Variants in CEP135 observed in about 807,000 individuals in gnomAD.
CEP135 encodes centrosomal protein of 135 kDa.
CEP135 carries 142 observed loss-of-function variants against 157.3 expected under a neutral mutation model. That is an observed-to-expected ratio of 0.90 (90% CI 0.79 to 1.04). CEP135 has a LOEUF of 1.04. Among genes scored for constraint, CEP135 ranks in the 50% least tolerant of loss-of-function variants. The probability of loss-of-function intolerance (pLI) is 0.00; values close to 1 mark genes in which losing one functional copy is unlikely to be tolerated. For synonymous variants in CEP135, 396 were observed against 439.8 expected, an observed-to-expected ratio of 0.90 and a Z score of 1.25; for missense variants, 1,317 against 1,309.2, an observed-to-expected ratio of 1.01 and a Z score of -0.09.
intron 25 of CEP135, among the ~76,000 whole-genome samples, chr4:56,028,400 TA>T (rs1260400886): frequency 6.6e-6 from 1 of 152,224 alleles, no homozygotes; most frequent in African/African-American, 2.4e-5. Flanking sequence ...ACTTTTTAAT[TA>T]CAATAATTCT....
chr4:55,983,230 A>G (rs552699279), intron 13 of CEP135, among the ~76,000 whole-genome samples: 97 of 152,324 alleles, frequency 6.4e-4, no homozygotes, highest in Admixed American at 9.1e-4. Flanking sequence ...CCTTTTCCAT[A>G]TCTTTTGAAA....
At chr4:55,965,317 A>G (rs751435438) in intron 7 of CEP135, 7 of 182,168 alleles carry the variant, frequency 3.8e-5, no homozygotes, top group Non-Finnish European at 5.7e-5. Context: ...CAGTAGCCAC[A>G]TGTGGTTGCT....
At position 56,019,501 on chromosome 4, in the gene CEP135, A is replaced by C. The variant is rs1730899378; in HGVS notation, c.3161A>C (p.Lys1054Thr). 6.2e-7 allele frequency: 1 copy of C among 1,614,090 alleles called. No homozygotes were observed. Among genetic ancestry groups the C allele is most frequent in the South Asian group, 1.1e-5 (1 of 91,046 alleles). Residue 1054 changes from lysine (K) to threonine (T), a missense_variant, in exon 23 of 26, where the codon AAG becomes ACG. Lys to Thr is a moderately conservative substitution (Grantham distance 78). Transcript: ENST00000257287. Reference protein sequence around the residue: ...EFHSHLTSHEKDTEIQLLKEK... With the variant: ...EFHSHLTSHETDTEIQLLKEK... ...CATTCTCACTTAACCTCCCACGAGA[A>C]GGATACAGAAATCCAGCTACTTAAG...
intron 2 of CEP135, among the ~76,000 whole-genome samples, 183 bp from the exon 3 acceptor site, chr4:55,952,902 A>T (rs1728401435): frequency 6.6e-6 from 1 of 152,154 alleles, no homozygotes; most frequent in Non-Finnish European, 1.5e-5. Context: ...GGCAATAGGA[A>T]TTTTTCAGCT....
intron 1 of CEP135, among the ~76,000 whole-genome samples, chr4:55,951,812 G>A (rs1728369328): frequency 6.6e-6 from 1 of 152,142 alleles, no homozygotes; most frequent in Admixed American, 6.5e-5. Flanking sequence ...TCTCTGAGAA[G>A]TCTCTGCCTA....
At chr4:56,000,822 TTCA>T (rs1283088260) in intron 17 of CEP135, among the ~76,000 whole-genome samples, 1 of 152,194 alleles carries the variant, frequency 6.6e-6, no homozygotes, top group Non-Finnish European at 1.5e-5. Context: ...TTGAGGAACC[TTCA>T]TACACTGTTT....
chr4:56,011,409 T>TAA lies in CEP135; in HGVS notation c.2506-2_2506-1insAA. 6.3e-7 allele frequency: 1 copy of TAA among 1,585,868 alleles called. No homozygotes were observed. Among genetic ancestry groups the TAA allele is most frequent in the African/African-American group, 1.4e-5 (1 of 73,854 alleles). On this transcript the variant is annotated splice_polypyrimidine_tract_variant and splice_region_variant and intron_variant, in intron 19 of 25. Transcript: ENST00000257287. ...AGATTGTCTTTAATTTTCTGATTTG[T>TAA]AGGAAATCTCATTGGAATTGGAAGC... is the stretch of plus-strand genomic sequence containing the variant.
intron 17 of CEP135, 135 bp downstream of exon 17, chr4:55,999,780 T>C: frequency 3.8e-6 from 3 of 791,018 alleles, no homozygotes; most frequent in Non-Finnish European, 3.9e-6. Context: ...GCAACCCCTA[T>C]CTCTTGGGCT....
intron 8 of CEP135, 191 bp downstream of exon 8, chr4:55,966,050 GTTGT>G: frequency 1.8e-6 from 1 of 541,720 alleles, no homozygotes; most frequent in Non-Finnish European, 3.3e-6. Flanking sequence ...AGTTGTTTTA[GTTGT>G]TTGAGTGTCT....
chr4:56,012,369 A>G (rs1230967348), intron 21 of CEP135, among the ~76,000 whole-genome samples: 1 of 152,192 alleles, frequency 6.6e-6, no homozygotes, highest in South Asian at 2.1e-4. Context: ...AAGATACTTT[A>G]TTGACCTGAG....
At chr4:55,953,379 G>A in intron 3 of CEP135, 104 bp downstream of exon 3, 4 of 846,358 alleles carry the variant, frequency 4.7e-6, no homozygotes, top group South Asian at 2.1e-5. Context: ...AGAAAATATA[G>A]TAGTCCTACA....
At chr4:55,991,705 T>G (rs1463229084) in intron 14 of CEP135, among the ~76,000 whole-genome samples, 1 of 152,206 alleles carries the variant, frequency 6.6e-6, no homozygotes, top group East Asian at 1.9e-4. Context: ...TATTCTTTTC[T>G]CTTCGTGCTT....
chr4:56,018,604 A>C (rs1169494969), intron 22 of CEP135, among the ~76,000 whole-genome samples: 1 of 152,112 alleles, frequency 6.6e-6, no homozygotes, highest in African/African-American at 2.4e-5. Flanking sequence ...CAAAAAATAC[A>C]AAGAATTAGT....
At chr4:55,985,419 G>A in intron 14 of CEP135, 61 bp downstream of exon 14, 3 of 645,858 alleles carry the variant, frequency 4.6e-6, no homozygotes, top group Non-Finnish European at 7.6e-6. Context: ...GTCAATTACA[G>A]TTTTAATACA....
In CEP135 at chr4:55,974,831, A is replaced by G. The variant is rs1560405232; in HGVS notation, c.1335A>G (p.Thr445=). The change falls in exon 11 of 26, where the codon ACA becomes ACG. Residue 445 remains threonine, a synonymous_variant. Coordinates refer to ENST00000257287, the MANE Select transcript of CEP135 (RefSeq NM_025009.5). ...RRDRSPSRLD[T]FLKGIEEERD... ...ACAGGTCACCTTCTCGTTTAGATAC[A>G]TTTCTGAAAGGTATAGAAGAAGAAC... 6.2e-7 allele frequency: 1 copy of G among 1,613,900 alleles called. No homozygotes were observed.
rs1730822493 is a variant in CEP135, at chr4:56,017,671, T to G, written c.2826T>G (p.Tyr942Ter). 6.2e-7 allele frequency: 1 copy of G among 1,609,466 alleles called. No individual in the cohort carries two copies. Among genetic ancestry groups the G allele is most frequent in the Non-Finnish European group, 8.5e-7 (1 of 1,178,328 alleles). ...AGCACATAAATGCCCATCATGCTTA[T>G]GAATCTCAGATCTCATCAATGGCAA... ...IQEHINAHHA[Y>*]ESQISSMAKA... Residue 942 changes from tyrosine to a stop codon, truncating the protein, a stop_gained, in exon 22 of 26, where the codon TAT (tyrosine) becomes TAG (stop). Transcript: ENST00000257287. LOFTEE classifies it high-confidence loss of function.
Position 55,953,276 on chromosome 4 carries a change from G to A in CEP135, c.304+1G>A. 6.7e-7 allele frequency: 1 copy of A among 1,498,050 alleles called. No individual in the cohort carries two copies. Among genetic ancestry groups the A allele is most frequent in the Non-Finnish European group, 8.9e-7 (1 of 1,125,162 alleles). 92.8% of individuals were successfully genotyped at this position (1,498,050 alleles called of 1,614,324 possible). A position where few individuals can be genotyped will look rare whatever the true frequency, so the allele number is the denominator to read the frequency against. On this transcript the variant is annotated splice_donor_variant, in intron 3 of 25. Coordinates refer to ENST00000257287, the MANE Select transcript of CEP135 (RefSeq NM_025009.5). LOFTEE classifies it high-confidence loss of function. ...GAACATTCAGACCAACACGTTAAAG[G>A]TAAGTGAAAATTTGATAATTTTTAA...
Position 55,957,287 on chromosome 4 carries a change from C to G in CEP135, c.537C>G (p.Pro179=), listed in dbSNP as rs769365357. 5.6e-6 allele frequency: 9 copies of G among 1,614,002 alleles called. No individual in the cohort carries two copies. The Admixed American group carries it at 1.0e-4, about 18-fold the overall frequency. ...QRMQIDEPVP[P]SEVSSYPVPQ... ...TGCAAATTGATGAACCGGTTCCTCC[C>G]TCTGAAGTCAGTTCATATCCAGTTC... The change falls in exon 5 of 26, where the codon CCC becomes CCG. Residue 179 remains proline (P), a synonymous_variant. Transcript: ENST00000257287.
At chr4:55,960,562 G>A (rs926920548) in intron 6 of CEP135, 1 of 152,164 alleles carries the variant, frequency 6.6e-6, no homozygotes, top group African/African-American at 2.4e-5. Flanking sequence ...CACAAATATA[G>A]ATGTAACTTA....
Sources: gnomAD v4.1 joint callset for allele counts (sites outside exome capture counted in the v4.1 genomes callset) on GRCh38, gnomAD v4.1.1 for gene constraint, MANE v1.5 for transcripts, NCBI Gene and HGNC (gene_info 2026-07-23, HGNC 2026-07-21) for gene names.